ALDH4A1: variants seen among roughly 807,000 people sequenced by gnomAD.
ALDH4A1 encodes aldehyde dehydrogenase 4 family member A1, also known as delta-1-pyrroline-5-carboxylate dehydrogenase, mitochondrial.
A neutral mutation model predicts 70.5 loss-of-function variants in ALDH4A1; 46 were observed. The observed-to-expected ratio is 0.65, with a 90% CI of 0.51 to 0.83. The LOEUF is 0.83. ALDH4A1 is among the 40% of genes least tolerant of loss of function. The probability of loss-of-function intolerance (pLI) is 0.00; values close to 1 mark genes in which losing one functional copy is unlikely to be tolerated. For missense variants in ALDH4A1, 749 were observed against 766.5 expected (o/e 0.98, Z 0.27); for synonymous variants, 323 against 324.3 (o/e 1.00, Z 0.04).
intron 1 of ALDH4A1, 143 bp downstream of exon 1, chr1:18,902,319 G>A: frequency 1.7e-6 from 1 of 577,582 alleles, no homozygotes; most frequent in Non-Finnish European, 2.6e-6. Flanking sequence ...GGTCGGAGGG[G>A]AGCCCCTGAG....
intron 11 of ALDH4A1, 141 bp downstream of exon 11, chr1:18,877,067 G>A (rs930165447): frequency 9.5e-6 from 10 of 1,048,304 alleles, no homozygotes; most frequent in South Asian, 4.4e-5. Flanking sequence ...CTGGAGGTGC[G>A]TGTGTGGCTG....
chr1:18,873,379 C>G (rs1336472610), intron 14 of ALDH4A1, among the ~76,000 whole-genome samples: 1 of 152,088 alleles, frequency 6.6e-6, no homozygotes, highest in Admixed American at 6.5e-5. Flanking sequence ...GAGTGTCTTC[C>G]GTTATTCATA....
In ALDH4A1 at chr1:18,877,608, G is replaced by A. The variant is rs774448725; in HGVS notation, c.945C>T (p.Cys315=). The A allele has an allele frequency of 4.8e-5, 39 of 817,412 alleles. No individual in the cohort carries two copies. Among genetic ancestry groups the A allele is most frequent in the Non-Finnish European group, 7.5e-5 (38 of 504,490 alleles). The allele number at this position is 817,412 out of a possible 1,614,324, so 50.6% of individuals were successfully genotyped here. Reference sequence around the variant, plus strand: ...GCACGAAGTGGAAGTTCTTTCCGCCGCACTCTACAGGGGTCGGGGGTGGGG... The same window carrying A: ...GCACGAAGTGGAAGTTCTTTCCGCCACACTCTACAGGGGTCGGGGGTGGGG... ...FHTFPRLAGE[C]GGKNFHFVHR... is the part of the protein sequence containing the mutation. The change falls in exon 10 of 15, where the codon TGC becomes TGT. Residue 315 remains cysteine, a synonymous_variant. Transcript: ENST00000375341.
intron 1 of ALDH4A1, among the ~76,000 whole-genome samples, chr1:18,902,062 G>A (rs1386987313): frequency 6.6e-6 from 1 of 152,152 alleles, no homozygotes; most frequent in African/African-American, 2.4e-5. Flanking sequence ...CGAGGGTGGG[G>A]AAGTGAGATG....
intron 1 of ALDH4A1, 61 bp downstream of exon 1, chr1:18,902,401 C>T: frequency 7.9e-7 from 1 of 1,270,618 alleles, no homozygotes; most frequent in African/African-American, 1.6e-5. Context: ...CGCCCAGTGA[C>T]TCTCAGGCTC....
chr1:18,875,333 G>C (rs6668941), intron 13 of ALDH4A1, 49 bp downstream of exon 13: 1 of 1,613,242 alleles, frequency 6.2e-7, no homozygotes, highest in South Asian at 1.1e-5. Context: ...ATGGGGACAC[G>C]GACAGGACAC....
chr1:18,901,749 C>T (rs528188073), intron 1 of ALDH4A1, among the ~76,000 whole-genome samples: 1 of 152,164 alleles, frequency 6.6e-6, no homozygotes, highest in South Asian at 2.1e-4. Context: ...ATAATAATAA[C>T]CGGGCGCTGC....
chr1:18,894,869 T>C (rs987319369), intron 1 of ALDH4A1, among the ~76,000 whole-genome samples: 13 of 147,224 alleles, frequency 8.8e-5, no homozygotes, highest in Middle Eastern at 3.5e-3. Context: ...TTCTTTCTTT[T>C]TTTTTTTTTT....
At chr1:18,877,036 C>A (rs1157731912) in intron 11 of ALDH4A1, among the ~76,000 whole-genome samples, 172 bp downstream of exon 11, 1 of 152,168 alleles carries the variant, frequency 6.6e-6, no homozygotes, top group Non-Finnish European at 1.5e-5. Flanking sequence ...CTGGCTACGG[C>A]TGATTCTGCC....
intron 8 of ALDH4A1, among the ~76,000 whole-genome samples, chr1:18,879,958 C>G (rs1257465436): frequency 6.6e-6 from 1 of 152,160 alleles, no homozygotes; most frequent in African/African-American, 2.4e-5. Context: ...AATAAAAATG[C>G]TAATCACCCG....
At position 18,880,218 on chromosome 1, in the gene ALDH4A1, G is replaced by A. The variant is rs919312286; in HGVS notation, c.867-845C>T. Among the ~76,000 whole-genome samples, 2 of 141,402 alleles carry A rather than the reference G, an allele frequency of 1.4e-5. No individual in the cohort carries two copies. The highest frequency in any genetic ancestry group is 5.3e-5 in the African/African-American group (2 of 38,060). 92.8% of individuals were successfully genotyped at this position (141,402 alleles called of 152,430 possible). On this transcript the variant is annotated intron_variant, in intron 8 of 14. Coordinates refer to ENST00000375341, the MANE Select transcript of ALDH4A1 (RefSeq NM_003748.4). The surrounding 1 kb of genome is among the most constrained non-coding windows in gnomAD (Gnocchi z 5.1). The stretch of plus-strand genomic sequence containing the variant: ...GGGTGGCAGAGCCTGGGGCCTGGAA[G>A]AGGAGGTAAGAAGGACCCTGAGCTG...
chr1:18,893,503 CT>C lies in ALDH4A1; in HGVS notation c.63-3399del, dbSNP rs1030116931. Among the ~76,000 whole-genome samples, 7 of 149,566 alleles carry C rather than the reference CT, an allele frequency of 4.7e-5. No individual in the cohort carries two copies. In the East Asian group the frequency reaches 5.8e-4, roughly 12 times the overall value. On this transcript the variant is annotated intron_variant, in intron 1 of 14. Coordinates refer to ENST00000375341, the MANE Select transcript of ALDH4A1 (RefSeq NM_003748.4). ...AGAACAATGCACAGCAAATCAGTAG[CT>C]TTTTTTTTTCTTTTTTGAGTCGGAG...
Position 18,877,468 on chromosome 1 carries a change from G to T in ALDH4A1, c.1085C>A (p.Pro362Gln). The T allele has an allele frequency of 1.3e-6, 2 of 1,595,836 alleles. No individual in the cohort carries two copies. Among genetic ancestry groups the T allele is most frequent in the Non-Finnish European group, 8.5e-7 (1 of 1,171,298 alleles). Residue 362 changes from proline (P) to glutamine (Q), a missense_variant, in exon 10 of 15, where the codon CCG (proline) becomes CAG (glutamine). By Grantham distance (76) the Pro-to-Gln change is moderately conservative. Transcript: ENST00000375341. ...CTCCAGCAGCCGCCCTTTGATCTGCGGCCACAGCGAGTGCGGCACGTAGAG... is the reference window on the plus strand; with the variant it reads ...CTCCAGCAGCCGCCCTTTGATCTGCTGCCACAGCGAGTGCGGCACGTAGAG... ...SRLYVPHSLW[P>Q]QIKGRLLEEH...
chr1:18,871,595 A>G lies in ALDH4A1; in HGVS notation c.*1250T>C, dbSNP rs1934439565. 1 of 152,112 alleles carries G rather than the reference A, an allele frequency of 6.6e-6. No individual in the cohort carries two copies. The allele number at this position is 152,112 out of a possible 1,614,324, so 9.4% of individuals were successfully genotyped here. On this transcript the variant is annotated 3_prime_UTR_variant, in exon 15 of 15. Transcript: ENST00000375341. ...TATCCTGGAAGGACACAGAACCCAC[A>G]CCCAGCCCAGCTGGCACCAGCACCC...
chr1:18,880,023 C>G lies in ALDH4A1; in HGVS notation c.867-650G>C, dbSNP rs192551843. Among the ~76,000 whole-genome samples the G allele has an allele frequency of 4.8e-3, 726 of 151,964 alleles. 2 individuals are homozygous for G. Among genetic ancestry groups the G allele is most frequent in the Non-Finnish European group, 7.3e-3 (494 of 67,930 alleles). ...TTTATGGCCTTCCCACCTTTAAGCCCGCTGCTCATCAGAGCGTGGAGAATG... is the reference window on the plus strand; with the variant it reads ...TTTATGGCCTTCCCACCTTTAAGCCGGCTGCTCATCAGAGCGTGGAGAATG... On this transcript the variant is annotated intron_variant, in intron 8 of 14. Coordinates refer to ENST00000375341, the MANE Select transcript of ALDH4A1 (RefSeq NM_003748.4). The surrounding 1 kb of genome is among the most constrained non-coding windows in gnomAD (Gnocchi z 5.1).
At chr1:18,886,361 C>A (rs1557620957) in intron 4 of ALDH4A1, 103 bp downstream of exon 4, 1 of 1,361,956 alleles carries the variant, frequency 7.3e-7, no homozygotes, top group African/African-American at 1.4e-5. Flanking sequence ...CAAAGAAGGA[C>A]ACAGCAACTG....
chr1:18,885,939 T>C (rs865870059), intron 4 of ALDH4A1, among the ~76,000 whole-genome samples: 10 of 152,326 alleles, frequency 6.6e-5, no homozygotes, highest in African/African-American at 2.4e-4. Flanking sequence ...TACCTTATTC[T>C]TGGGACCTGG....
At chr1:18,874,728 G>C in intron 13 of ALDH4A1, 147 bp from the exon 14 acceptor site, 1 of 815,590 alleles carries the variant, frequency 1.2e-6, no homozygotes, top group East Asian at 2.6e-5. Flanking sequence ...GCCAGCTGTT[G>C]GCTGTGGGCC....
intron 1 of ALDH4A1, among the ~76,000 whole-genome samples, chr1:18,899,322 C>T (rs1266252917): frequency 1.3e-5 from 2 of 152,170 alleles, no homozygotes; most frequent in African/African-American, 4.8e-5. Flanking sequence ...CCAAAACCAC[C>T]CAGGATCACT....
Sources: gnomAD v4.1 joint callset for allele counts (sites outside exome capture counted in the v4.1 genomes callset) on GRCh38, gnomAD v4.1.1 for gene constraint, Gnocchi (gnomAD v3.1) non-coding constraint, MANE v1.5 for transcripts, NCBI Gene and HGNC (gene_info 2026-07-23, HGNC 2026-07-21) for gene names.